TNR: variants seen among roughly 807,000 people sequenced by gnomAD.
The protein encoded by TNR is tenascin-R.
TNR carries 45 observed loss-of-function variants against 150.4 expected under a neutral mutation model. That is an observed-to-expected ratio of 0.30 (90% CI 0.24 to 0.38). TNR has a LOEUF of 0.38. TNR is among the 10% of genes least tolerant of loss of function. The probability of loss-of-function intolerance (pLI) is 1.00; values close to 1 mark genes in which losing one functional copy is unlikely to be tolerated. For missense variants in TNR, 1,544 were observed against 1,759.1 expected (o/e 0.88, Z 2.19); for synonymous variants, 687 against 678.4 (o/e 1.01, Z -0.20).
chr1:175,485,539 A>G (rs1657975829), intron 2 of TNR, among the ~76,000 whole-genome samples: 1 of 152,142 alleles, frequency 6.6e-6, no homozygotes, highest in South Asian at 2.1e-4. Flanking sequence ...TCTGCCCCTA[A>G]ATACGTAGAA....
intron 1 of TNR, among the ~76,000 whole-genome samples, chr1:175,711,560 C>G (rs1047793826): frequency 5.3e-5 from 8 of 152,210 alleles, no homozygotes; most frequent in African/African-American, 1.9e-4. Context: ...AAGCAGCCCT[C>G]TGGCTGCTGC....
intron 1 of TNR, among the ~76,000 whole-genome samples, chr1:175,742,994 A>ACC (rs375171228): frequency 2.7e-4 from 38 of 138,338 alleles, no homozygotes; most frequent in Admixed American, 5.1e-4. Context: ...ACACACACAC[A>ACC]CCCGCAAGGC....
chr1:175,726,944 T>A (rs1353951914), intron 1 of TNR, among the ~76,000 whole-genome samples: 1 of 152,180 alleles, frequency 6.6e-6, no homozygotes, highest in African/African-American at 2.4e-5. Flanking sequence ...TGAGCCCCAA[T>A]GTGGCATGTA....
chr1:175,733,209 A>C, intron 1 of TNR, among the ~76,000 whole-genome samples: 1 of 152,270 alleles, frequency 6.6e-6, no homozygotes, highest in East Asian at 1.9e-4. Flanking sequence ...AAACATTTCA[A>C]GGAGTGGGAA....
intron 1 of TNR, among the ~76,000 whole-genome samples, chr1:175,726,826 A>G (rs1383342913): frequency 6.6e-6 from 1 of 152,236 alleles, no homozygotes. Flanking sequence ...AATCCTTCAA[A>G]GTAATGGCTG....
chr1:175,702,177 G>A (rs1163820799), intron 1 of TNR, among the ~76,000 whole-genome samples: 3 of 152,132 alleles, frequency 2.0e-5, no homozygotes. Flanking sequence ...TTCCATGTGT[G>A]CTAAATGACC....
intron 20 of TNR, among the ~76,000 whole-genome samples, chr1:175,331,320 G>A (rs1324221184): frequency 6.8e-6 from 1 of 146,888 alleles, no homozygotes; most frequent in Non-Finnish European, 1.5e-5. Flanking sequence ...CTGGAGTGGA[G>A]TGGCACAATC....
intron 1 of TNR, among the ~76,000 whole-genome samples, chr1:175,551,359 T>C (rs1046507999): frequency 1.3e-5 from 2 of 152,174 alleles, no homozygotes; most frequent in African/African-American, 2.4e-5. Flanking sequence ...CTCAAAAAAG[T>C]TACCTCTGAT....
At chr1:175,706,509 A>G (rs185289856) in intron 1 of TNR, among the ~76,000 whole-genome samples, 1 of 152,164 alleles carries the variant, frequency 6.6e-6, no homozygotes, top group Admixed American at 6.5e-5. Flanking sequence ...GGCCACGTCC[A>G]CCCACTGGTC....
At chr1:175,331,103 C>CTT (rs1186147523) in intron 20 of TNR, among the ~76,000 whole-genome samples, 4 of 55,830 alleles carry the variant, frequency 7.2e-5, no homozygotes, top group African/African-American at 6.0e-5. Context: ...CTTTCTTTCT[C>CTT]TCTCTCTTTC....
At chr1:175,362,597 C>T in intron 14 of TNR, 66 bp downstream of exon 14, 1 of 1,576,146 alleles carries the variant, frequency 6.3e-7, no homozygotes, top group East Asian at 2.3e-5. Flanking sequence ...TTTCTACAAG[C>T]CCGAACAACT....
chr1:175,688,890 A>G (rs1429891169), intron 1 of TNR, among the ~76,000 whole-genome samples: 1 of 152,238 alleles, frequency 6.6e-6, no homozygotes, highest in Non-Finnish European at 1.5e-5. Flanking sequence ...TTATGACAGA[A>G]GCCAGAGATG....
chr1:175,399,020 A>G (rs187414275), intron 4 of TNR, among the ~76,000 whole-genome samples: 207 of 152,294 alleles, frequency 1.4e-3, no homozygotes, highest in Non-Finnish European at 2.6e-3. Context: ...TCTTTCCCCT[A>G]CAATTTAGAC....
At chr1:175,606,774 T>C (rs1316866030) in intron 1 of TNR, among the ~76,000 whole-genome samples, 1 of 152,168 alleles carries the variant, frequency 6.6e-6, no homozygotes, top group African/African-American at 2.4e-5. Flanking sequence ...AGCTTGGGGT[T>C]TGCATTCCAC....
At chr1:175,675,053 T>C (rs1468043231) in intron 1 of TNR, among the ~76,000 whole-genome samples, 1 of 152,192 alleles carries the variant, frequency 6.6e-6, no homozygotes, top group African/African-American at 2.4e-5. Flanking sequence ...TTATTTTTTG[T>C]TCAGGGTGAG....
intron 1 of TNR, among the ~76,000 whole-genome samples, chr1:175,704,800 T>G (rs1666802242): frequency 6.6e-6 from 1 of 152,258 alleles, no homozygotes; most frequent in Non-Finnish European, 1.5e-5. Context: ...TTTCATGAGT[T>G]GCGGCTGTTT....
At chr1:175,660,987 T>C (rs1242298142) in intron 1 of TNR, among the ~76,000 whole-genome samples, 1 of 152,180 alleles carries the variant, frequency 6.6e-6, no homozygotes, top group Admixed American at 6.5e-5. Context: ...CTGAAACAAT[T>C]GTGCCCAGCC....
At chr1:175,476,092 A>G (rs1271373762) in intron 2 of TNR, among the ~76,000 whole-genome samples, 1 of 152,140 alleles carries the variant, frequency 6.6e-6, no homozygotes, top group Non-Finnish European at 1.5e-5. Flanking sequence ...ATTTATCAAC[A>G]CACCTATGCC....
chr1:175,513,192 G>C (rs1309407304), intron 2 of TNR, among the ~76,000 whole-genome samples: 1 of 152,140 alleles, frequency 6.6e-6, no homozygotes, highest in Non-Finnish European at 1.5e-5. Context: ...TGCGTGGGCT[G>C]TCTCTCTGTC....
Sources: allele counts gnomAD v4.1 joint callset (sites outside exome capture counted in the v4.1 genomes callset), GRCh38; gene constraint gnomAD v4.1.1; transcripts MANE v1.5; gene names NCBI Gene and HGNC (gene_info 2026-07-23, HGNC 2026-07-21).